The following PCCA variants were observed in gnomAD, a reference collection of about 807,000 sequenced individuals.
PCCA encodes the protein propionyl-CoA carboxylase alpha chain, mitochondrial.
Under a neutral mutation model 101.3 loss-of-function variants are expected in PCCA, and 74 were observed. That is an observed-to-expected ratio of 0.73 (90% CI 0.61 to 0.89). PCCA has a LOEUF of 0.89. Among genes scored for constraint, PCCA ranks in the 40% least tolerant of loss-of-function variants. PCCA has a pLI of 0.00. For synonymous variants in PCCA, 294 were observed against 313.6 expected (o/e 0.94, Z 0.66); for missense variants, 891 against 907.0 (o/e 0.98, Z 0.23).
intron 8 of PCCA, among the ~76,000 whole-genome samples, chr13:100,237,973 T>C (rs557353014): frequency 6.7e-6 from 1 of 149,722 alleles, no homozygotes; most frequent in Admixed American, 6.7e-5. Flanking sequence ...CTTTTCACTC[T>C]TGTTGCCCAG....
chr13:100,424,963 G>C (rs529186553), intron 19 of PCCA, among the ~76,000 whole-genome samples: 2 of 152,180 alleles, frequency 1.3e-5, no homozygotes, highest in South Asian at 4.2e-4. Flanking sequence ...TTTTAAATTA[G>C]CTATGATTTT....
chr13:100,378,300 G>A (rs1368555182), intron 19 of PCCA, among the ~76,000 whole-genome samples: 1 of 152,222 alleles, frequency 6.6e-6, no homozygotes, highest in African/African-American at 2.4e-5. Flanking sequence ...GATGTCGACT[G>A]TTAGTCTGAT....
intron 17 of PCCA, among the ~76,000 whole-genome samples, chr13:100,335,141 G>A (rs553334570): frequency 3.5e-4 from 54 of 152,238 alleles, no homozygotes; most frequent in African/African-American, 1.0e-3. Context: ...CTAAGATATC[G>A]TCATCAATAT....
intron 6 of PCCA, among the ~76,000 whole-genome samples, chr13:100,171,521 C>A (rs542260147): frequency 1.3e-5 from 2 of 152,338 alleles, no homozygotes; most frequent in African/African-American, 4.8e-5. Flanking sequence ...ATAATTACTT[C>A]CATGTCAAGT....
chr13:100,522,611 G>C (rs1176420519), intron 22 of PCCA, among the ~76,000 whole-genome samples: 4 of 152,156 alleles, frequency 2.6e-5, no homozygotes, highest in African/African-American at 7.2e-5. Flanking sequence ...ACAAAAAGAG[G>C]ATGGGCTGTC....
At chr13:100,106,069 G>T (rs1284148552) in intron 2 of PCCA, among the ~76,000 whole-genome samples, 4 of 151,952 alleles carry the variant, frequency 2.6e-5, no homozygotes, top group Non-Finnish European at 5.9e-5. Context: ...ATAGTTCTGT[G>T]TTCAGCCACT....
intron 16 of PCCA, among the ~76,000 whole-genome samples, chr13:100,328,298 G>T (rs2068948440): frequency 6.6e-6 from 1 of 151,600 alleles, no homozygotes; most frequent in Non-Finnish European, 1.5e-5. Flanking sequence ...AGGAGACAGA[G>T]GTTGCAGTGA....
At chr13:100,351,115 A>T (rs556299635) in intron 18 of PCCA, among the ~76,000 whole-genome samples, 49 of 152,312 alleles carry the variant, frequency 3.2e-4, no homozygotes, top group Non-Finnish European at 6.3e-4. Context: ...AGGGTAATGA[A>T]ATCCTTGATT....
At chr13:100,402,216 T>A (rs1290430266) in intron 19 of PCCA, among the ~76,000 whole-genome samples, 2 of 152,116 alleles carry the variant, frequency 1.3e-5, no homozygotes, top group Admixed American at 1.3e-4. Context: ...GCTTTATTAG[T>A]CTTACAAAAG....
chr13:100,116,608 A>G (rs1350664394), intron 4 of PCCA, among the ~76,000 whole-genome samples: 6 of 151,932 alleles, frequency 3.9e-5, no homozygotes, highest in Admixed American at 3.3e-4. Context: ...CTGGCCAATT[A>G]CCCCCCTTCC....
chr13:100,393,864 T>C (rs2076930329), intron 19 of PCCA, among the ~76,000 whole-genome samples: 1 of 152,242 alleles, frequency 6.6e-6, no homozygotes, highest in African/African-American at 2.4e-5. Flanking sequence ...CTGATGCATC[T>C]GTTTTGTTTT....
chr13:100,453,895 C>T (rs868486428), intron 21 of PCCA, among the ~76,000 whole-genome samples: 2 of 152,162 alleles, frequency 1.3e-5, no homozygotes, highest in African/African-American at 2.4e-5. Context: ...GACAGAGTCT[C>T]ACTCAGTTGC....
chr13:100,178,695 A>T (rs2056463985), intron 6 of PCCA, among the ~76,000 whole-genome samples: 1 of 152,130 alleles, frequency 6.6e-6, no homozygotes, highest in Non-Finnish European at 1.5e-5. Flanking sequence ...GTTTTCTGTA[A>T]TATTTTTCTT....
intron 9 of PCCA, among the ~76,000 whole-genome samples, chr13:100,260,542 G>C (rs955202050): frequency 2.6e-5 from 4 of 151,688 alleles, no homozygotes; most frequent in African/African-American, 9.7e-5. Context: ...GACTACAGGC[G>C]CACACTGCCA....
intron 21 of PCCA, among the ~76,000 whole-genome samples, chr13:100,498,591 C>T (rs1020540232): frequency 2.6e-5 from 4 of 152,204 alleles, no homozygotes; most frequent in Non-Finnish European, 1.5e-5. Flanking sequence ...CATCATCTCT[C>T]TCCAGTTCCA....
chr13:100,341,502 C>A (rs372045834), intron 18 of PCCA, among the ~76,000 whole-genome samples: 2 of 152,026 alleles, frequency 1.3e-5, no homozygotes, highest in African/African-American at 2.4e-5. Flanking sequence ...TCAAAGTTAC[C>A]GGAAACGTGG....
At chr13:100,137,414 C>G (rs2051314608) in intron 4 of PCCA, among the ~76,000 whole-genome samples, 2 of 152,176 alleles carry the variant, frequency 1.3e-5, no homozygotes, top group African/African-American at 4.8e-5. Flanking sequence ...CAATTTTCTA[C>G]TACTTGTCTT....
intron 10 of PCCA, among the ~76,000 whole-genome samples, chr13:100,264,770 T>C (rs1452778375): frequency 6.6e-6 from 1 of 152,158 alleles, no homozygotes; most frequent in Non-Finnish European, 1.5e-5. Flanking sequence ...TTAGTTTTAG[T>C]GGGTACTCTG....
Position 100,255,283 on chromosome 13 carries a change from T to C in PCCA, c.638-2312T>C, listed in dbSNP as rs190670365. Among the ~76,000 whole-genome samples, 40 of 152,350 alleles carry C rather than the reference T, an allele frequency of 2.6e-4. No homozygotes were observed. The East Asian group carries it at 6.9e-3, about 26-fold the overall frequency. On this transcript the variant is annotated intron_variant, in intron 8 of 23. Coordinates refer to ENST00000376285, the MANE Select transcript of PCCA (RefSeq NM_000282.4). Reference sequence around the variant, plus strand: ...TTCTCTAATGACTTCCCACCTTTTCTGAGCATCTGATAATTTTTTGTTGAT... The same window carrying C: ...TTCTCTAATGACTTCCCACCTTTTCCGAGCATCTGATAATTTTTTGTTGAT...
Sources: allele counts gnomAD v4.1 joint callset (sites outside exome capture counted in the v4.1 genomes callset), GRCh38; gene constraint gnomAD v4.1.1; transcripts MANE v1.5; gene names NCBI Gene and HGNC (gene_info 2026-07-23, HGNC 2026-07-21).